The following PCDH15 variants were observed in gnomAD, a reference collection of about 807,000 sequenced individuals.
PCDH15 encodes protocadherin related 15.
Under a neutral mutation model 178.5 loss-of-function variants are expected in PCDH15, and 129 were observed. The observed-to-expected ratio is 0.72, with a 90% CI of 0.63 to 0.84. The LOEUF (loss-of-function observed/expected upper bound fraction) is 0.84, where lower values mean the gene tolerates loss of function less well. PCDH15 is among the 40% of genes least tolerant of loss of function. The probability of loss-of-function intolerance (pLI) is 0.00; values close to 1 mark genes in which losing one functional copy is unlikely to be tolerated. For synonymous variants in PCDH15, 800 were observed against 732.0 expected, an observed-to-expected ratio of 1.09 and a Z score of -1.50; for missense variants, 2,230 against 2,099.9, an observed-to-expected ratio of 1.06 and a Z score of -1.21.
At chr10:55,399,425 T>C (rs1462289582) in intron 2 of PCDH15, among the ~76,000 whole-genome samples, 1 of 152,162 alleles carries the variant, frequency 6.6e-6, no homozygotes, top group African/African-American at 2.4e-5. Flanking sequence ...TGCGAATATT[T>C]TCCATCCAGC....
chr10:54,684,520 T>C (rs982659399), intron 1 of PCDH15, among the ~76,000 whole-genome samples: 4 of 152,036 alleles, frequency 2.6e-5, no homozygotes, highest in Non-Finnish European at 4.4e-5. Flanking sequence ...TTTATGTAAA[T>C]GCATATATGA....
intron 3 of PCDH15, among the ~76,000 whole-genome samples, chr10:54,827,946 A>G (rs1953158561): frequency 6.6e-6 from 1 of 152,068 alleles, no homozygotes; most frequent in Non-Finnish European, 1.5e-5. Context: ...ATACCAACAT[A>G]TATGTAATCT....
chr10:53,854,640 C>T lies in PCDH15; in HGVS notation c.3806+2535G>A, dbSNP rs556996485. ...ATAATCTGCATTCCATTACCAAATG[C>T]TTAATAAATAAAATGTACAAAACTC... On this transcript the variant is annotated intron_variant, in intron 28 of 37. Coordinates refer to ENST00000644397, the MANE Select transcript of PCDH15 (RefSeq NM_001384140.1). Among the ~76,000 whole-genome samples the T allele has an allele frequency of 3.0e-3, 453 of 152,054 alleles. 2 individuals are homozygous for T. The highest frequency in any genetic ancestry group is 0.01 in the African/African-American group (416 of 41,532).
intron 2 of PCDH15, among the ~76,000 whole-genome samples, chr10:55,394,321 T>C (rs931870505): frequency 6.6e-6 from 1 of 152,050 alleles, no homozygotes; most frequent in African/African-American, 2.4e-5. Context: ...TTGATGCTCT[T>C]TTTTATTTTA....
intron 3 of PCDH15, among the ~76,000 whole-genome samples, chr10:54,839,047 T>C (rs1024298541): frequency 6.6e-6 from 1 of 152,142 alleles, no homozygotes; most frequent in African/African-American, 2.4e-5. Context: ...CTTTAACTGC[T>C]AAAACCAGTC....
At chr10:54,953,543 T>C (rs1260904941) in intron 2 of PCDH15, among the ~76,000 whole-genome samples, 2 of 151,606 alleles carry the variant, frequency 1.3e-5, no homozygotes, top group South Asian at 2.1e-4. Flanking sequence ...CTATAGTTGA[T>C]ACCTGGGCTC....
intron 21 of PCDH15, among the ~76,000 whole-genome samples, chr10:53,970,658 C>A (rs2089582465): frequency 6.6e-6 from 1 of 152,088 alleles, no homozygotes; most frequent in African/African-American, 2.4e-5. Context: ...ATACTATAAA[C>A]ACCTCTATGC....
chr10:54,411,135 C>T (rs1953443808), intron 3 of PCDH15, among the ~76,000 whole-genome samples: 1 of 152,106 alleles, frequency 6.6e-6, no homozygotes, highest in Non-Finnish European at 1.5e-5. Context: ...CAGGTATGAT[C>T]TAGGCTGACC....
At chr10:54,463,391 T>C (rs1040902729) in intron 3 of PCDH15, among the ~76,000 whole-genome samples, 1 of 152,172 alleles carries the variant, frequency 6.6e-6, no homozygotes, top group Admixed American at 6.6e-5. Flanking sequence ...TACTTATCAG[T>C]AAGCAATCTG....
At chr10:55,210,297 A>C (rs1840523972) in intron 1 of PCDH15, among the ~76,000 whole-genome samples, 1 of 152,172 alleles carries the variant, frequency 6.6e-6, no homozygotes, top group Middle Eastern at 3.4e-3. Context: ...CAATCTTATA[A>C]TCTAGAAGTT....
Position 55,398,432 on chromosome 10 carries a change from G to A in PCDH15, c.-156+229193C>T, listed in dbSNP as rs1018506849. On this transcript the variant is annotated intron_variant, in intron 2 of 5. Transcript: ENST00000613346. ...ACCCATGATAAATGGAATATGAAAA[G>A]TATTAAGTTCTATGAGGATGAGGCA... Among the ~76,000 whole-genome samples, 4 of 152,292 alleles carry A rather than the reference G, an allele frequency of 2.6e-5. No homozygotes were observed. The South Asian group carries it at 8.3e-4, about 32-fold the overall frequency.
chr10:53,906,594 T>C (rs2082697667), intron 25 of PCDH15, among the ~76,000 whole-genome samples: 1 of 152,174 alleles, frequency 6.6e-6, no homozygotes, highest in Admixed American at 6.5e-5. Flanking sequence ...CATGAGATTA[T>C]GATTAACTGA....
chr10:54,731,149 T>C (rs1181394088), intron 1 of PCDH15, among the ~76,000 whole-genome samples: 2 of 151,244 alleles, frequency 1.3e-5, no homozygotes, highest in Admixed American at 1.3e-4. Context: ...AGTTGTATGT[T>C]GAACAATGAA....
At chr10:55,098,500 G>A (rs891150407) in intron 2 of PCDH15, among the ~76,000 whole-genome samples, 5 of 152,164 alleles carry the variant, frequency 3.3e-5, no homozygotes, top group Non-Finnish European at 5.9e-5. Flanking sequence ...TTTCGTGGGT[G>A]AATGTCAGCA....
chr10:54,955,905 C>G (rs1020293776), intron 2 of PCDH15, among the ~76,000 whole-genome samples: 3 of 151,302 alleles, frequency 2.0e-5, no homozygotes, highest in Non-Finnish European at 4.4e-5. Context: ...TAGCCACTTA[C>G]ATGCACTACA....
At chr10:54,921,651 A>G (rs773340273) in intron 2 of PCDH15, among the ~76,000 whole-genome samples, 2 of 149,542 alleles carry the variant, frequency 1.3e-5, no homozygotes, top group Non-Finnish European at 2.9e-5. Context: ...TGTTCTGATA[A>G]AAGACTTGAT....
At chr10:54,408,065 A>G (rs1249469862) in intron 3 of PCDH15, among the ~76,000 whole-genome samples, 2 of 151,446 alleles carry the variant, frequency 1.3e-5, no homozygotes, top group African/African-American at 4.8e-5. Flanking sequence ...AAAAAAAAAA[A>G]AAAAAGGAAA....
At chr10:54,743,359 A>T (rs1201237096) in intron 1 of PCDH15, among the ~76,000 whole-genome samples, 1 of 152,046 alleles carries the variant, frequency 6.6e-6, no homozygotes, top group African/African-American at 2.4e-5. Context: ...GAATATAAAA[A>T]TATATTTAGG....
intron 15 of PCDH15, 23 bp downstream of exon 15, chr10:54,132,852 C>T (rs768181762): frequency 7.5e-6 from 12 of 1,599,236 alleles, no homozygotes; most frequent in Admixed American, 1.7e-5. Flanking sequence ...CACACACACA[C>T]ACACACACAC....
Sources: allele counts gnomAD v4.1 joint callset (sites outside exome capture counted in the v4.1 genomes callset), GRCh38; gene constraint gnomAD v4.1.1; transcripts MANE v1.5; gene names NCBI Gene and HGNC (gene_info 2026-07-23, HGNC 2026-07-21).